The following YAF2 variants were observed in gnomAD, a reference collection of about 807,000 sequenced individuals.
YAF2 encodes YY1 associated factor 2, also known as YY1-associated factor 2.
YAF2 carries 7 observed loss-of-function variants against 20.1 expected under a neutral mutation model. The observed-to-expected ratio is 0.35, with a 90% CI of 0.20 to 0.65. YAF2 has a LOEUF of 0.65. Among genes scored for constraint, YAF2 ranks in the 30% least tolerant of loss-of-function variants. The pLI, the probability that YAF2 is intolerant of heterozygous loss-of-function variation, is 0.69. For synonymous variants in YAF2, 74 were observed against 76.0 expected (o/e 0.97, Z 0.14); for missense variants, 151 against 219.2 (o/e 0.69, Z 1.96).
intron 2 of YAF2, among the ~76,000 whole-genome samples, chr12:42,223,815 A>G (rs191103282): frequency 1.5e-5 from 2 of 135,502 alleles, no homozygotes; most frequent in African/African-American, 5.4e-5. Context: ...CATAAGTGGG[A>G]GTTGAACAAT....
chr12:42,187,044 A>C (rs2066493106), intron 2 of YAF2, among the ~76,000 whole-genome samples: 2 of 152,228 alleles, frequency 1.3e-5, no homozygotes, highest in South Asian at 4.1e-4. Context: ...AGCCCTACAT[A>C]GAACCTAATA....
intron 2 of YAF2, among the ~76,000 whole-genome samples, chr12:42,204,267 C>T (rs1367005066): frequency 8.5e-5 from 13 of 152,178 alleles, no homozygotes; most frequent in Admixed American, 2.6e-4. Context: ...AGTTTAAACA[C>T]GAAGTATCAC....
Position 42,160,018 on chromosome 12 carries a change from G to A in YAF2, c.*571C>T, listed in dbSNP as rs373802629. ...AAACATAATTCAGGAACAATAATTA[G>A]TAAAACGTGTCAAAAACATTGGCAA... On this transcript the variant is annotated 3_prime_UTR_variant, in exon 4 of 4. Coordinates refer to ENST00000534854, the MANE Select transcript of YAF2 (RefSeq NM_005748.6). 6.6e-6 allele frequency: 1 copy of A among 152,470 alleles called. No individual in the cohort carries two copies. Among genetic ancestry groups the A allele is most frequent in the South Asian group, 2.1e-4 (1 of 4,816 alleles). 9.4% of individuals were successfully genotyped at this position (152,470 alleles called of 1,614,324 possible).
chr12:42,180,986 A>T (rs1185721802), intron 2 of YAF2, among the ~76,000 whole-genome samples: 1 of 152,214 alleles, frequency 6.6e-6, no homozygotes, highest in African/African-American at 2.4e-5. Context: ...GCCATTCTTC[A>T]CTACAGAAAA....
intron 2 of YAF2, among the ~76,000 whole-genome samples, chr12:42,168,931 C>T (rs2065977186): frequency 6.6e-6 from 1 of 151,892 alleles, no homozygotes; most frequent in South Asian, 2.1e-4. Context: ...GGGCTCATAC[C>T]ACCCCTCCCA....
At chr12:42,235,379 AG>A (rs1196348674) in intron 2 of YAF2, 14 of 1,016,298 alleles carry the variant, frequency 1.4e-5, no homozygotes, top group Non-Finnish European at 1.7e-5. Context: ...ATTACCAGAG[AG>A]GAAAAATATT....
intron 2 of YAF2, among the ~76,000 whole-genome samples, chr12:42,220,882 G>A (rs1033767836): frequency 2.2e-4 from 33 of 152,118 alleles, no homozygotes; most frequent in African/African-American, 8.0e-4. Flanking sequence ...TACTATCAGT[G>A]ATTCTTAATA....
intron 2 of YAF2, among the ~76,000 whole-genome samples, chr12:42,217,917 G>T (rs2067403274): frequency 6.6e-6 from 1 of 152,088 alleles, no homozygotes; most frequent in African/African-American, 2.4e-5. Flanking sequence ...TGGAGGATGG[G>T]GAAGTAGAGG....
chr12:42,219,606 A>C (rs1291537885), intron 2 of YAF2, among the ~76,000 whole-genome samples: 2 of 152,136 alleles, frequency 1.3e-5, no homozygotes, highest in Non-Finnish European at 2.9e-5. Context: ...ACACACCCAT[A>C]CATACAACCC....
chr12:42,171,928 C>T (rs1418636252), intron 2 of YAF2, among the ~76,000 whole-genome samples: 1 of 152,172 alleles, frequency 6.6e-6, no homozygotes, highest in African/African-American at 2.4e-5. Flanking sequence ...CGTTCCACTG[C>T]ACTCCAGAAT....
At chr12:42,185,978 G>A (rs776487420) in intron 2 of YAF2, among the ~76,000 whole-genome samples, 4 of 152,024 alleles carry the variant, frequency 2.6e-5, no homozygotes, top group Non-Finnish European at 5.9e-5. Flanking sequence ...AAGCAGGTGG[G>A]TAATCTGAGG....
chr12:42,198,020 A>T (rs961925943), intron 2 of YAF2, among the ~76,000 whole-genome samples: 6 of 151,472 alleles, frequency 4.0e-5, no homozygotes, highest in Admixed American at 1.3e-4. Flanking sequence ...AAAAAAAGTT[A>T]AAAAAAAATC....
intron 2 of YAF2, among the ~76,000 whole-genome samples, chr12:42,183,699 T>G (rs926961232): frequency 2.0e-5 from 3 of 152,172 alleles, no homozygotes; most frequent in African/African-American, 7.2e-5. Flanking sequence ...AGCAAGTGCT[T>G]ATATAAAAAC....
chr12:42,177,758 G>A (rs2066233476), intron 2 of YAF2, among the ~76,000 whole-genome samples: 1 of 152,024 alleles, frequency 6.6e-6, no homozygotes, highest in Non-Finnish European at 1.5e-5. Context: ...CTGTTCAAAC[G>A]CCAAATGTCA....
chr12:42,226,380 C>T (rs1056992920), intron 2 of YAF2, among the ~76,000 whole-genome samples: 6 of 152,122 alleles, frequency 3.9e-5, no homozygotes, highest in Admixed American at 3.3e-4. Flanking sequence ...AATGCTAAAA[C>T]ATCTGGGTGC....
intron 2 of YAF2, among the ~76,000 whole-genome samples, chr12:42,215,927 A>AAAAT (rs67295015): frequency 0.03 from 4,357 of 144,748 alleles, 90 homozygotes; most frequent in Non-Finnish European, 0.043. Context: ...TCCAGCTCAA[A>AAAAT]AAATAAATAA....
intron 2 of YAF2, among the ~76,000 whole-genome samples, chr12:42,170,294 T>C (rs186248837): frequency 5.9e-4 from 90 of 152,360 alleles, no homozygotes; most frequent in Non-Finnish European, 8.8e-5. Context: ...CAGAGCCTGA[T>C]AGGCATTCAA....
intron 2 of YAF2, among the ~76,000 whole-genome samples, chr12:42,220,542 GACAAATAGCAAAAATGGATGGA>G (rs1202805023): frequency 1.3e-5 from 2 of 152,072 alleles, no homozygotes; most frequent in Non-Finnish European, 2.9e-5. Context: ...GGGAACAAAA[GACAAATAGCAAAAATGGATGGA>G]ACAAAGAGGA....
intron 2 of YAF2, among the ~76,000 whole-genome samples, chr12:42,209,995 T>C (rs1007854617): frequency 5.3e-5 from 8 of 152,114 alleles, no homozygotes; most frequent in Admixed American, 1.3e-4. Flanking sequence ...ACAGGGTTTC[T>C]CCATGTTGGT....
Sources: allele counts gnomAD v4.1 joint callset (sites outside exome capture counted in the v4.1 genomes callset), GRCh38; gene constraint gnomAD v4.1.1; transcripts MANE v1.5; gene names NCBI Gene and HGNC (gene_info 2026-07-23, HGNC 2026-07-21).